Variants in SCHIP1 observed in about 807,000 individuals in gnomAD.
The protein encoded by SCHIP1 is schwannomin interacting protein 1, also known as schwannomin-interacting protein 1.
A neutral mutation model predicts 29.7 loss-of-function variants in SCHIP1; 8 were observed. The observed-to-expected ratio is 0.27, with a 90% CI of 0.16 to 0.49. The LOEUF (loss-of-function observed/expected upper bound fraction) is 0.49. Ranked by LOEUF, SCHIP1 falls within the 20% of genes least tolerant of loss-of-function variation. The pLI, the probability that SCHIP1 is intolerant of heterozygous loss-of-function variation, is 0.99. For synonymous variants in SCHIP1, 76 were observed against 94.9 expected, an observed-to-expected ratio of 0.80 and a Z score of 1.16; for missense variants, 193 against 294.6, an observed-to-expected ratio of 0.66 and a Z score of 2.52.
chr3:159,881,897 G>A (rs1201268629), intron 2 of SCHIP1, among the ~76,000 whole-genome samples: 4 of 152,230 alleles, frequency 2.6e-5, no homozygotes, highest in East Asian at 1.9e-4. Context: ...GCTCTCACAC[G>A]TGTCTAGGGC....
the SCHIP1 span, among the ~76,000 whole-genome samples, chr3:159,541,030 G>T: frequency 1.6e-4 from 25 of 152,146 alleles, no homozygotes; most frequent in African/African-American, 5.8e-4. Context: ...ATACTGCATG[G>T]AAACTCATTA....
the SCHIP1 span, among the ~76,000 whole-genome samples, chr3:159,732,851 C>G: frequency 6.6e-6 from 1 of 152,186 alleles, no homozygotes; most frequent in Non-Finnish European, 1.5e-5. Context: ...AGCTACAGGA[C>G]CAGACTGCAG....
the SCHIP1 span, among the ~76,000 whole-genome samples, chr3:159,432,287 TG>T: frequency 1.5e-4 from 7 of 46,594 alleles, no homozygotes; most frequent in South Asian, 1.6e-3. Context: ...GAGTAGGTGA[TG>T]TGTGTGTGTG....
chr3:159,446,264 G>C, the SCHIP1 span, among the ~76,000 whole-genome samples: 1 of 151,968 alleles, frequency 6.6e-6, no homozygotes, highest in Non-Finnish European at 1.5e-5. Flanking sequence ...TGTTATAATG[G>C]TATCTCTCAG....
At chr3:159,632,438 C>A in the SCHIP1 span, among the ~76,000 whole-genome samples, 1 of 152,124 alleles carries the variant, frequency 6.6e-6, no homozygotes, top group Non-Finnish European at 1.5e-5. Flanking sequence ...TCCTGGGACT[C>A]CCTCTCCCTC....
At chr3:159,840,878 A>C (rs371967600) in intron 1 of SCHIP1, among the ~76,000 whole-genome samples, 1 of 152,254 alleles carries the variant, frequency 6.6e-6, no homozygotes, top group African/African-American at 2.4e-5. Flanking sequence ...TTAAACACTT[A>C]GACAATTTCA....
chr3:159,342,403 G>C, the SCHIP1 span, among the ~76,000 whole-genome samples: 3 of 152,104 alleles, frequency 2.0e-5, no homozygotes, highest in Non-Finnish European at 4.4e-5. Flanking sequence ...AAAAGAAATT[G>C]TTACAGCAAA....
chr3:159,561,314 A>G, the SCHIP1 span, among the ~76,000 whole-genome samples: 1 of 152,218 alleles, frequency 6.6e-6, no homozygotes, highest in African/African-American at 2.4e-5. Flanking sequence ...TGAAAAATTT[A>G]CTTTTCCCCC....
chr3:159,423,804 A>AC, the SCHIP1 span, among the ~76,000 whole-genome samples: 1 of 151,744 alleles, frequency 6.6e-6, no homozygotes, highest in Non-Finnish European at 1.5e-5. Flanking sequence ...ACTGGGAGGC[A>AC]CCCCCCAGTA....
At chr3:159,832,542 C>T in the SCHIP1 span, among the ~76,000 whole-genome samples, 3 of 152,164 alleles carry the variant, frequency 2.0e-5, no homozygotes, top group Non-Finnish European at 4.4e-5. Flanking sequence ...ACTTCTTAGC[C>T]ACAACCACCC....
chr3:159,278,047 G>A, the SCHIP1 span, among the ~76,000 whole-genome samples: 4 of 152,286 alleles, frequency 2.6e-5, no homozygotes, highest in Admixed American at 1.3e-4. Context: ...CTCCCTAATG[G>A]TGTGTGTGCA....
the SCHIP1 span, among the ~76,000 whole-genome samples, chr3:159,472,316 C>A: frequency 6.6e-6 from 1 of 152,160 alleles, no homozygotes; most frequent in East Asian, 1.9e-4. Context: ...CACTGTGCCG[C>A]GGGCTGTCCT....
chr3:159,392,009 T>G, the SCHIP1 span, among the ~76,000 whole-genome samples: 2 of 152,220 alleles, frequency 1.3e-5, no homozygotes, highest in Non-Finnish European at 2.9e-5. Flanking sequence ...TGGCAACCTG[T>G]CCAGGTCTTT....
At chr3:159,710,012 T>C in the SCHIP1 span, among the ~76,000 whole-genome samples, 2 of 152,202 alleles carry the variant, frequency 1.3e-5, no homozygotes, top group African/African-American at 4.8e-5. Context: ...AGTACAGTCA[T>C]TTTGGAAAAT....
the SCHIP1 span, among the ~76,000 whole-genome samples, chr3:159,506,871 C>A: frequency 6.6e-6 from 1 of 152,156 alleles, no homozygotes; most frequent in South Asian, 2.1e-4. Flanking sequence ...TTACTGTAGC[C>A]TTGTAACATA....
the SCHIP1 span, among the ~76,000 whole-genome samples, chr3:159,811,973 TG>T: frequency 7.8e-4 from 115 of 146,552 alleles, 1 homozygote; most frequent in South Asian, 4.4e-3. Flanking sequence ...TTTTTGTTTT[TG>T]TTTTTGTTTT....
the SCHIP1 span, among the ~76,000 whole-genome samples, chr3:159,364,209 CAG>C: frequency 6.6e-6 from 1 of 152,090 alleles, no homozygotes; most frequent in African/African-American, 2.4e-5. Context: ...AAGCTGGAAA[CAG>C]GGATTTGGAG....
At chr3:159,372,048 T>A in the SCHIP1 span, among the ~76,000 whole-genome samples, 1 of 152,158 alleles carries the variant, frequency 6.6e-6, no homozygotes, top group Non-Finnish European at 1.5e-5. Context: ...GCATTTGAAT[T>A]TTATTGAAAT....
the SCHIP1 span, among the ~76,000 whole-genome samples, chr3:159,457,162 T>TA: frequency 2.0e-5 from 3 of 152,306 alleles, no homozygotes; most frequent in East Asian, 5.8e-4. Flanking sequence ...TGGATGTGTT[T>TA]ACTGATGACC....
Sources: gnomAD v4.1 joint callset for allele counts (sites outside exome capture counted in the v4.1 genomes callset) on GRCh38, gnomAD v4.1.1 for gene constraint, MANE v1.5 for transcripts, NCBI Gene and HGNC (gene_info 2026-07-23, HGNC 2026-07-21) for gene names.